Variants in HPSE2 observed in about 807,000 individuals in gnomAD.
The protein encoded by HPSE2 is inactive heparanase-2.
In HPSE2, 38 loss-of-function variants were observed where a neutral mutation model predicts 60.5. The observed-to-expected ratio is 0.63, with a 90% confidence interval of 0.48 to 0.82. The LOEUF (loss-of-function observed/expected upper bound fraction) is 0.82. Ranked by LOEUF, HPSE2 falls within the 40% of genes least tolerant of loss-of-function variation. HPSE2 has a pLI of 0.00. For missense variants in HPSE2, 713 were observed against 740.4 expected (o/e 0.96, Z 0.43); for synonymous variants, 295 against 293.2 (o/e 1.01, Z -0.06).
intron 9 of HPSE2, among the ~76,000 whole-genome samples, chr10:98,578,197 T>C (rs895384003): frequency 6.6e-6 from 1 of 152,152 alleles, no homozygotes; most frequent in Non-Finnish European, 1.5e-5. Flanking sequence ...TCCTAAGAAT[T>C]TTTTTCACTG....
chr10:99,122,696 T>G (rs1020657481), intron 3 of HPSE2, among the ~76,000 whole-genome samples: 1 of 152,074 alleles, frequency 6.6e-6, no homozygotes. Context: ...TTTTCTTAAG[T>G]GGAAGACAAT....
At chr10:98,985,972 G>C (rs1263576726) in intron 3 of HPSE2, among the ~76,000 whole-genome samples, 1 of 152,026 alleles carries the variant, frequency 6.6e-6, no homozygotes, top group African/African-American at 2.4e-5. Flanking sequence ...CCCAACACAG[G>C]AGCACCCAGA....
chr10:98,698,668 C>CA (rs1318924099), intron 5 of HPSE2, among the ~76,000 whole-genome samples: 7 of 151,828 alleles, frequency 4.6e-5, no homozygotes, highest in Admixed American at 6.6e-5. Flanking sequence ...AATAGAGACA[C>CA]AAAAAACCCT....
chr10:98,602,204 A>G (rs960565686), intron 9 of HPSE2, among the ~76,000 whole-genome samples: 2 of 152,154 alleles, frequency 1.3e-5, no homozygotes, highest in African/African-American at 4.8e-5. Context: ...AGCCACCAAA[A>G]TGGTACCTTG....
chr10:98,922,693 T>C (rs1175928323), intron 3 of HPSE2, among the ~76,000 whole-genome samples: 1 of 152,166 alleles, frequency 6.6e-6, no homozygotes, highest in Non-Finnish European at 1.5e-5. Flanking sequence ...TGGTATAATA[T>C]ACTTCAAGTA....
intron 6 of HPSE2, among the ~76,000 whole-genome samples, chr10:98,647,212 C>A (rs999567269): frequency 6.6e-6 from 1 of 152,162 alleles, no homozygotes; most frequent in Non-Finnish European, 1.5e-5. Flanking sequence ...TCCCACTGAC[C>A]CCCTTCATCA....
chr10:99,172,457 G>A (rs982456801), intron 2 of HPSE2, among the ~76,000 whole-genome samples: 6 of 151,990 alleles, frequency 3.9e-5, no homozygotes, highest in East Asian at 3.9e-4. Context: ...CCTACAATAC[G>A]CCCTATATTG....
chr10:98,655,127 C>T (rs1017129335), intron 6 of HPSE2, among the ~76,000 whole-genome samples: 1 of 151,980 alleles, frequency 6.6e-6, no homozygotes, highest in African/African-American at 2.4e-5. Flanking sequence ...ACCTTTTTTT[C>T]CCAGTAGCAT....
At chr10:99,204,255 C>A (rs1241882216) in intron 2 of HPSE2, among the ~76,000 whole-genome samples, 1 of 152,186 alleles carries the variant, frequency 6.6e-6, no homozygotes, top group African/African-American at 2.4e-5. Flanking sequence ...TAGATCCAGG[C>A]TCCAGGTCCA....
intron 9 of HPSE2, among the ~76,000 whole-genome samples, chr10:98,550,709 C>A (rs1411394688): frequency 6.6e-6 from 1 of 151,958 alleles, no homozygotes; most frequent in South Asian, 2.1e-4. Context: ...CTCCTGACCT[C>A]GTGATATGCC....
intron 3 of HPSE2, among the ~76,000 whole-genome samples, chr10:99,115,254 C>T (rs10883268): frequency 0.49 from 73,702 of 150,600 alleles, 20,419 homozygotes; most frequent in East Asian, 0.65. Flanking sequence ...CCCGGGTTCA[C>T]CCCATTCTCC....
At chr10:98,542,797 G>A (rs1334298168) in intron 9 of HPSE2, among the ~76,000 whole-genome samples, 5 of 152,104 alleles carry the variant, frequency 3.3e-5, no homozygotes, top group Admixed American at 2.6e-4. Flanking sequence ...AAAAAGAAAC[G>A]AGCAAAGCCT....
At chr10:99,305,535 G>A in the HPSE2 span, among the ~76,000 whole-genome samples, 1 of 152,046 alleles carries the variant, frequency 6.6e-6, no homozygotes, top group Non-Finnish European at 1.5e-5. Flanking sequence ...AAGGAAGGAA[G>A]GAAAAAACAA....
At chr10:98,717,950 T>C (rs1246172399) in intron 5 of HPSE2, among the ~76,000 whole-genome samples, 1 of 152,170 alleles carries the variant, frequency 6.6e-6, no homozygotes, top group Non-Finnish European at 1.5e-5. Flanking sequence ...TTATTGGATA[T>C]ATAATTTTTT....
At chr10:98,704,782 TG>T (rs1187680021) in intron 5 of HPSE2, among the ~76,000 whole-genome samples, 25 of 152,266 alleles carry the variant, frequency 1.6e-4, no homozygotes, top group African/African-American at 6.0e-4. Context: ...AAGACTTAAA[TG>T]TAAAACCCCA....
chr10:98,942,716 C>A (rs1955048838), intron 3 of HPSE2, among the ~76,000 whole-genome samples: 3 of 152,082 alleles, frequency 2.0e-5, no homozygotes, highest in African/African-American at 7.2e-5. Context: ...TTTGACCCAG[C>A]CATCTCATTA....
intron 11 of HPSE2, among the ~76,000 whole-genome samples, chr10:98,471,853 A>G (rs532892292): frequency 3.7e-4 from 56 of 152,260 alleles, no homozygotes; most frequent in African/African-American, 1.3e-3. Flanking sequence ...AATCATTCAG[A>G]TTTCTCTCAA....
chr10:99,156,736 G>C (rs1350831419), intron 2 of HPSE2, among the ~76,000 whole-genome samples: 1 of 130,664 alleles, frequency 7.7e-6, no homozygotes, highest in Admixed American at 8.0e-5. Context: ...ACATAGTGTT[G>C]AAAGTTCTGG....
chr10:99,037,261 C>T (rs1435786059), intron 3 of HPSE2, among the ~76,000 whole-genome samples: 1 of 152,046 alleles, frequency 6.6e-6, no homozygotes, highest in Non-Finnish European at 1.5e-5. Flanking sequence ...TGTATTAGAT[C>T]CTGGGACACA....
Sources: gnomAD v4.1 joint callset for allele counts (sites outside exome capture counted in the v4.1 genomes callset) on GRCh38, gnomAD v4.1.1 for gene constraint, MANE v1.5 for transcripts, NCBI Gene and HGNC (gene_info 2026-07-23, HGNC 2026-07-21) for gene names.